Variants in PSMD4 observed in about 807,000 individuals in gnomAD.
PSMD4 encodes 26S proteasome non-ATPase regulatory subunit 4.
Under a neutral mutation model 39.7 loss-of-function variants are expected in PSMD4, and 5 were observed. The ratio of observed to expected loss-of-function variants is 0.13; its 90% CI spans 0.07 to 0.26. PSMD4 has a LOEUF of 0.26. Ranked by LOEUF, PSMD4 falls within the 10% of genes least tolerant of loss-of-function variation. PSMD4 has a pLI of 1.00. For synonymous variants in PSMD4, 143 were observed against 174.6 expected, an observed-to-expected ratio of 0.82 and a Z score of 1.43; for missense variants, 272 against 486.1, an observed-to-expected ratio of 0.56 and a Z score of 4.14.
intron 1 of PSMD4, among the ~76,000 whole-genome samples, chr1:151,257,706 C>A (rs1693207730): frequency 7.1e-6 from 1 of 140,970 alleles, no homozygotes; most frequent in Non-Finnish European, 1.5e-5. Flanking sequence ...CGCCACCATA[C>A]CTGGCTTTCT....
chr1:151,262,327 C>T, intron 2 of PSMD4, 26 bp downstream of exon 2: 2 of 1,613,998 alleles, frequency 1.2e-6, no homozygotes, highest in Non-Finnish European at 1.7e-6. Context: ...GAGGAGGGGA[C>T]TCAGTAGGTG....
chr1:151,266,434 G>C lies in PSMD4; in HGVS notation c.890G>C (p.Gly297Ala). 10 of 1,614,228 alleles carry C rather than the reference G, an allele frequency of 6.2e-6. No homozygotes were observed. Among genetic ancestry groups the C allele is most frequent in the Non-Finnish European group, 8.5e-6 (10 of 1,180,052 alleles). The change falls in exon 8 of 10, where the codon GGA (glycine) becomes GCA (alanine). Residue 297 changes from glycine to alanine, a missense_variant. Physicochemically the swap from Gly to Ala is moderately conservative, Grantham distance 60 (BLOSUM62 0). Around this residue, in one of 3 missense-constraint regions of PSMD4, gnomAD observed 113 missense variants for 184.6 expected, o/e 0.61. Coordinates refer to ENST00000368884, the MANE Select transcript of PSMD4 (RefSeq NM_002810.4). ...TATGCCATGCAGATGTCCCTGCAGGGAGCAGGTGAGCCAGAGCCTGGGTGG... is the reference window on the plus strand; with the variant it reads ...TATGCCATGCAGATGTCCCTGCAGGCAGCAGGTGAGCCAGAGCCTGGGTGG... Reference protein sequence around the residue: ...IAYAMQMSLQGAEFGQAESAD... With the variant: ...IAYAMQMSLQAAEFGQAESAD...
intron 6 of PSMD4, 113 bp downstream of exon 6, chr1:151,265,722 C>A (rs1693420268): frequency 1.7e-6 from 2 of 1,208,932 alleles, no homozygotes; most frequent in Admixed American, 2.3e-5. Context: ...ACCAATCACT[C>A]ATTTTCCAAG....
chr1:151,255,588 AC>A (rs1157346809), intron 1 of PSMD4, among the ~76,000 whole-genome samples: 1 of 152,168 alleles, frequency 6.6e-6, no homozygotes, highest in Non-Finnish European at 1.5e-5. Flanking sequence ...TGAATGTAAT[AC>A]AGAATAGTTG....
intron 3 of PSMD4, among the ~76,000 whole-genome samples, chr1:151,264,585 T>G (rs1234640504): frequency 6.7e-6 from 1 of 149,432 alleles, no homozygotes; most frequent in Non-Finnish European, 1.5e-5. Context: ...CACTCCAGAC[T>G]GGGCGACAGA....
At chr1:151,265,952 C>T in intron 6 of PSMD4, 52 bp from the exon 7 acceptor site, 1 of 1,516,582 alleles carries the variant, frequency 6.6e-7, no homozygotes, top group South Asian at 1.3e-5. Context: ...TTTCCCAGCT[C>T]CCTGTAGGAG....
chr1:151,259,754 T>G (rs982519534), intron 1 of PSMD4, among the ~76,000 whole-genome samples: 1 of 151,990 alleles, frequency 6.6e-6, no homozygotes, highest in Non-Finnish European at 1.5e-5. Context: ...AAAATGTGGT[T>G]TTTTTTGGTA....
Position 151,266,381 on chromosome 1 carries a change from C to T in PSMD4, c.837C>T (p.Ser279=). 1 of 1,614,224 alleles carries T rather than the reference C, an allele frequency of 6.2e-7. No homozygotes were observed. Among genetic ancestry groups the T allele is most frequent in the Non-Finnish European group, 8.5e-7 (1 of 1,180,054 alleles). The change falls in exon 8 of 10, where the codon AGC becomes AGT. Residue 279 remains serine (S), a synonymous_variant. Coordinates refer to ENST00000368884, the MANE Select transcript of PSMD4 (RefSeq NM_002810.4). The part of the protein sequence containing the change: ...EFGRTGLPDL[S]SMTEEEQIAY... ...GCCGCACTGGGCTTCCTGACCTAAG[C>T]AGTATGACTGAGGAAGAGCAGATTG...
chr1:151,267,153 C>G lies in PSMD4; in HGVS notation c.964-20C>G. On this transcript the variant is annotated intron_variant, in intron 9 of 9. Transcript: ENST00000368884. ...CTGCCGCTCCATACCCTCCCTTGAG[C>G]TCACACTGCCTGTTTGCAGGAGGAG... 6.2e-7 allele frequency: 1 copy of G among 1,613,832 alleles called. No individual in the cohort carries two copies. Among genetic ancestry groups the G allele is most frequent in the Non-Finnish European group, 8.5e-7 (1 of 1,179,774 alleles).
intron 6 of PSMD4, 41 bp downstream of exon 6, chr1:151,265,650 C>G (rs1397342700): frequency 6.3e-7 from 1 of 1,580,950 alleles, no homozygotes. Flanking sequence ...AAAGGTCCCT[C>G]TTTGTTCTCT....
chr1:151,260,465 C>T (rs1308271804), intron 1 of PSMD4, among the ~76,000 whole-genome samples: 1 of 152,200 alleles, frequency 6.6e-6, no homozygotes, highest in Non-Finnish European at 1.5e-5. Flanking sequence ...ATCCACAAAA[C>T]CTCATTTTTA....
Position 151,265,992 on chromosome 1 carries a change from G to GC in PSMD4, c.655-9dup. On this transcript the variant is annotated splice_polypyrimidine_tract_variant and intron_variant, in intron 6 of 9. Coordinates refer to ENST00000368884, the MANE Select transcript of PSMD4 (RefSeq NM_002810.4). ...GGCAGGGGAGCCCTGATTATGCCCT[G>GC]CCCTTCACCAGGCCCTTCGTGTATC... 6.4e-7 allele frequency: 1 copy of GC among 1,573,990 alleles called. No individual in the cohort carries two copies. Among genetic ancestry groups the GC allele is most frequent in the Non-Finnish European group, 8.6e-7 (1 of 1,160,282 alleles).
intron 1 of PSMD4, among the ~76,000 whole-genome samples, chr1:151,258,615 C>G (rs928857815): frequency 6.6e-6 from 1 of 151,810 alleles, no homozygotes; most frequent in Non-Finnish European, 1.5e-5. Flanking sequence ...CACTTACCAC[C>G]ATGCCCAGCT....
At chr1:151,260,429 C>T (rs1693288710) in intron 1 of PSMD4, among the ~76,000 whole-genome samples, 1 of 152,166 alleles carries the variant, frequency 6.6e-6, no homozygotes, top group Non-Finnish European at 1.5e-5. Flanking sequence ...TGAAAAGTTG[C>T]AGGGATCTAA....
intron 9 of PSMD4, chr1:151,266,840 C>T: frequency 1.4e-6 from 1 of 725,004 alleles, no homozygotes. Context: ...AGGATGTCTT[C>T]CCAGGAGGGA....
rs1693450622 is a variant in PSMD4, at chr1:151,266,429, G to T, written c.885G>T (p.Leu295=). 1 of 1,614,096 alleles carries T rather than the reference G, an allele frequency of 6.2e-7. No homozygotes were observed. The highest frequency in any genetic ancestry group is 1.7e-5 in the Admixed American group (1 of 60,002). Reference sequence around the variant, plus strand: ...TTGCTTATGCCATGCAGATGTCCCTGCAGGGAGCAGGTGAGCCAGAGCCTG... The same window carrying T: ...TTGCTTATGCCATGCAGATGTCCCTTCAGGGAGCAGGTGAGCCAGAGCCTG... The part of the protein sequence containing the change: ...EQIAYAMQMS[L]QGAEFGQAES... The change falls in exon 8 of 10, where the codon CTG becomes CTT. Residue 295 remains leucine (L), a synonymous_variant. Coordinates refer to ENST00000368884, the MANE Select transcript of PSMD4 (RefSeq NM_002810.4).
chr1:151,257,044 C>T (rs992766903), intron 1 of PSMD4, among the ~76,000 whole-genome samples: 5 of 152,202 alleles, frequency 3.3e-5, no homozygotes, highest in African/African-American at 7.2e-5. Context: ...CCACTGTGCC[C>T]GGCCGGTCTT....
intron 1 of PSMD4, among the ~76,000 whole-genome samples, chr1:151,259,630 T>C (rs922642899): frequency 2.0e-5 from 3 of 148,812 alleles, no homozygotes; most frequent in African/African-American, 7.3e-5. Flanking sequence ...GGCTCACACC[T>C]GTAATCCCAG....
intron 2 of PSMD4, among the ~76,000 whole-genome samples, chr1:151,263,560 G>C (rs1252459728): frequency 6.6e-6 from 1 of 152,104 alleles, no homozygotes; most frequent in Non-Finnish European, 1.5e-5. Context: ...CAGGTGCGGT[G>C]GCTCACGCCT....
Sources: gnomAD v4.1 joint callset for allele counts (sites outside exome capture counted in the v4.1 genomes callset) on GRCh38, gnomAD v4.1.1 for gene constraint, gnomAD v4.1.1 regional missense constraint, MANE v1.5 for transcripts, NCBI Gene and HGNC (gene_info 2026-07-23, HGNC 2026-07-21) for gene names.